VDAC2: variants seen among roughly 807,000 people sequenced by gnomAD.
VDAC2 encodes the protein non-selective voltage-gated ion channel VDAC2.
Under a neutral mutation model 36.6 loss-of-function variants are expected in VDAC2, and 6 were observed. That is an observed-to-expected ratio of 0.16 (90% confidence interval 0.09 to 0.32). VDAC2 has a LOEUF of 0.32. Among genes scored for constraint, VDAC2 ranks in the 10% least tolerant of loss-of-function variants. The probability of loss-of-function intolerance (pLI) is 1.00; values close to 1 mark genes in which losing one functional copy is unlikely to be tolerated. For missense variants in VDAC2, 247 were observed against 346.0 expected (o/e 0.71, Z 2.27); for synonymous variants, 109 against 123.8 (o/e 0.88, Z 0.79).
chr10:75,226,121 C>G (rs1313920835), intron 8 of VDAC2, among the ~76,000 whole-genome samples: 1 of 152,058 alleles, frequency 6.6e-6, no homozygotes. Flanking sequence ...TATCCCTATC[C>G]CACAGTAGCT....
At chr10:75,217,809 C>T (rs908049732) in intron 4 of VDAC2, 4 of 862,066 alleles carry the variant, frequency 4.6e-6, no homozygotes, top group Non-Finnish European at 6.4e-6. Flanking sequence ...AATAGTTATA[C>T]AAATGTTCTA....
intron 3 of VDAC2, among the ~76,000 whole-genome samples, chr10:75,213,790 G>A (rs1261156948): frequency 1.3e-5 from 2 of 152,144 alleles, no homozygotes; most frequent in Non-Finnish European, 2.9e-5. Flanking sequence ...ATTCTTTTGT[G>A]TACCAACTAC....
chr10:75,226,947 GCCTTTGTAATGAAGTCT>G (rs1173128938), intron 8 of VDAC2, among the ~76,000 whole-genome samples: 6 of 152,286 alleles, frequency 3.9e-5, no homozygotes, highest in South Asian at 2.1e-4. Context: ...AATTAATCGT[GCCTTTGTAATGAAGTCT>G]CCTTTGTAAT....
At position 75,231,090 on chromosome 10, in the gene VDAC2, CAA is replaced by C. The variant is rs1303035177; in HGVS notation, c.*104_*105del. The C allele has an allele frequency of 1.2e-6, 1 of 810,962 alleles. No individual in the cohort carries two copies. The highest frequency in any genetic ancestry group is 2.0e-6 in the Non-Finnish European group (1 of 507,134). The allele number at this position is 810,962 out of a possible 1,614,324, so 50.2% of individuals were successfully genotyped here. A position where few individuals can be genotyped will look rare whatever the true frequency, so the allele number is the denominator to read the frequency against. ...GGCTTTTTTCCCCCAAGAAGATGAT[CAA>C]AACAAAGGATGATCTCAACAAGAGC... On this transcript the variant is annotated 3_prime_UTR_variant, in exon 10 of 10. Transcript: ENST00000332211.
intron 4 of VDAC2, among the ~76,000 whole-genome samples, chr10:75,214,989 C>G (rs911333483): frequency 6.6e-6 from 1 of 152,192 alleles, no homozygotes; most frequent in Admixed American, 6.6e-5. Context: ...TCTCAGCTCA[C>G]TGCAGCCTCG....
At chr10:75,218,767 A>G (rs151039323) in intron 4 of VDAC2, among the ~76,000 whole-genome samples, 1 of 152,282 alleles carries the variant, frequency 6.6e-6, no homozygotes, top group East Asian at 1.9e-4. Context: ...TCTCAAAAAA[A>G]AAAAAAGGTG....
intron 3 of VDAC2, among the ~76,000 whole-genome samples, chr10:75,212,757 C>G (rs981888302): frequency 6.6e-6 from 1 of 152,216 alleles, no homozygotes; most frequent in Non-Finnish European, 1.5e-5. Context: ...GAAAATAGTT[C>G]TTTTACAGTC....
At chr10:75,212,335 G>A (rs766782904) in intron 3 of VDAC2, 37 bp downstream of exon 3, 1 of 1,563,638 alleles carries the variant, frequency 6.4e-7, no homozygotes, top group African/African-American at 1.4e-5. Context: ...TAGATAAAGA[G>A]TGAAAATGTA....
chr10:75,211,773 C>T (rs1589996364), intron 2 of VDAC2: 2 of 1,323,320 alleles, frequency 1.5e-6, no homozygotes, highest in Non-Finnish European at 2.1e-6. Flanking sequence ...AATTCTCTTC[C>T]CACTCCAGGG....
At chr10:75,230,868 TTTTG>T in intron 9 of VDAC2, 26 bp from the exon 10 acceptor site, 1 of 1,598,720 alleles carries the variant, frequency 6.3e-7, no homozygotes, top group Non-Finnish European at 8.5e-7. Flanking sequence ...CATCACGGTT[TTTTG>T]TTTTTGTGTT....
Position 75,223,020 on chromosome 10 carries a change from G to A in VDAC2, c.735+618G>A, listed in dbSNP as rs141632487. Among the ~76,000 whole-genome samples, 128 of 145,492 alleles carry A rather than the reference G, an allele frequency of 8.8e-4. 1 individual carries two copies. In the East Asian group the frequency reaches 0.025, roughly 28 times the overall value. ...TCTTTTTTGAGATGGAGTCTCTGTC[G>A]CCCGGGCTGGGGTGCAGTAGTGCGA... is the stretch of plus-strand genomic sequence containing the variant. On this transcript the variant is annotated intron_variant, in intron 8 of 9. Coordinates refer to ENST00000332211, the MANE Select transcript of VDAC2 (RefSeq NM_001391963.1).
chr10:75,221,614 G>C (rs1313043449), intron 7 of VDAC2, among the ~76,000 whole-genome samples: 1 of 152,152 alleles, frequency 6.6e-6, no homozygotes, highest in East Asian at 1.9e-4. Context: ...ACTGTGCCCG[G>C]CTATTGTTGT....
intron 6 of VDAC2, among the ~76,000 whole-genome samples, chr10:75,220,027 C>T (rs556242319): frequency 2.6e-5 from 4 of 151,196 alleles, no homozygotes; most frequent in South Asian, 2.1e-4. Flanking sequence ...AGGGTTTCAC[C>T]GTGTTGATCA....
chr10:75,217,339 A>G (rs746998729), intron 4 of VDAC2, among the ~76,000 whole-genome samples: 2 of 152,122 alleles, frequency 1.3e-5, no homozygotes, highest in African/African-American at 2.4e-5. Context: ...CAGAACTCCT[A>G]ATTTTTATAT....
chr10:75,213,945 A>T, intron 3 of VDAC2, 76 bp from the exon 4 acceptor site: 3 of 1,424,800 alleles, frequency 2.1e-6, no homozygotes, highest in African/African-American at 1.4e-5. Flanking sequence ...TTTGTTTTTT[A>T]TGTATAGTCA....
At chr10:75,218,207 G>A (rs1259095198) in intron 4 of VDAC2, 4 of 287,530 alleles carry the variant, frequency 1.4e-5, no homozygotes, top group African/African-American at 6.7e-5. Context: ...CCCATGCTGA[G>A]TGCAGTGGTG....
chr10:75,229,382 T>G (rs1008111913), intron 8 of VDAC2: 15 of 284,228 alleles, frequency 5.3e-5, no homozygotes, highest in African/African-American at 2.9e-4. Context: ...CTTAGGCTTT[T>G]GTGCTGTATG....
intron 8 of VDAC2, among the ~76,000 whole-genome samples, chr10:75,226,097 T>TCTA (rs1841944297): frequency 6.6e-6 from 1 of 152,058 alleles, no homozygotes; most frequent in Non-Finnish European, 1.5e-5. Flanking sequence ...CCATCCTAGT[T>TCTA]GCTTCTTTAA....
At chr10:75,217,428 A>C (rs1358245053) in intron 4 of VDAC2, among the ~76,000 whole-genome samples, 1 of 152,156 alleles carries the variant, frequency 6.6e-6, no homozygotes, top group African/African-American at 2.4e-5. Flanking sequence ...CTCAAGCTAG[A>C]GTGCAGTGGT....
Sources: allele counts gnomAD v4.1 joint callset (sites outside exome capture counted in the v4.1 genomes callset), GRCh38; gene constraint gnomAD v4.1.1; transcripts MANE v1.5; gene names NCBI Gene and HGNC (gene_info 2026-07-23, HGNC 2026-07-21).